MINPP1: variants seen among roughly 807,000 people sequenced by gnomAD.
MINPP1 encodes the protein multiple inositol polyphosphate phosphatase 1.
A neutral mutation model predicts 46.1 loss-of-function variants in MINPP1; 28 were observed. That is an observed-to-expected ratio of 0.61 (90% CI 0.45 to 0.83). MINPP1 has a LOEUF of 0.83. MINPP1 is among the 40% of genes least tolerant of loss of function. The pLI, the probability that MINPP1 is intolerant of heterozygous loss-of-function variation, is 0.00. For synonymous variants in MINPP1, 268 were observed against 249.1 expected, an observed-to-expected ratio of 1.08 and a Z score of -0.72; for missense variants, 603 against 610.0, an observed-to-expected ratio of 0.99 and a Z score of 0.12.
At chr10:87,523,606 C>T (rs1851534042) in intron 4 of MINPP1, among the ~76,000 whole-genome samples, 2 of 151,448 alleles carry the variant, frequency 1.3e-5, no homozygotes, top group Admixed American at 1.3e-4. Context: ...GATCCGCCTG[C>T]CTCGGCCTCC....
At chr10:87,515,598 C>T (rs1273760077) in intron 3 of MINPP1, among the ~76,000 whole-genome samples, 1 of 151,850 alleles carries the variant, frequency 6.6e-6, no homozygotes, top group East Asian at 1.9e-4. Flanking sequence ...TAATTTATCC[C>T]TGCTTAGGAC....
chr10:87,547,155 G>A (rs578239241), intron 4 of MINPP1, among the ~76,000 whole-genome samples: 14 of 152,024 alleles, frequency 9.2e-5, no homozygotes, highest in East Asian at 3.9e-4. Flanking sequence ...TCTGTCACCC[G>A]GGCTAGAGTG....
intron 4 of MINPP1, among the ~76,000 whole-genome samples, chr10:87,527,655 A>G (rs1032171519): frequency 6.6e-6 from 1 of 151,480 alleles, no homozygotes; most frequent in Admixed American, 6.6e-5. Flanking sequence ...CTCATCAGGG[A>G]TATTGGTCTA....
At chr10:87,527,178 G>A (rs1251902308) in intron 4 of MINPP1, among the ~76,000 whole-genome samples, 2 of 152,190 alleles carry the variant, frequency 1.3e-5, no homozygotes, top group East Asian at 3.8e-4. Context: ...CTATCCATGA[G>A]CATGGAATGT....
At chr10:87,508,648 GAAAAT>G in intron 2 of MINPP1, 115 bp downstream of exon 2, 1 of 1,040,080 alleles carries the variant, frequency 9.6e-7, no homozygotes, top group African/African-American at 1.6e-5. Context: ...TCTACATTAA[GAAAAT>G]AATATGTTCT....
intron 3 of MINPP1, among the ~76,000 whole-genome samples, chr10:87,517,862 A>G (rs1589372917): frequency 7.0e-6 from 1 of 143,840 alleles, no homozygotes; most frequent in Non-Finnish European, 1.5e-5. Flanking sequence ...GGGTTTTGCC[A>G]TGTTGGCCAG....
chr10:87,510,659 C>G (rs1398567303), intron 2 of MINPP1, among the ~76,000 whole-genome samples: 1 of 152,154 alleles, frequency 6.6e-6, no homozygotes, highest in Non-Finnish European at 1.5e-5. Context: ...CTTTGGGAGG[C>G]CAAGGTGGGT....
At chr10:87,530,213 C>T (rs537501609) in intron 4 of MINPP1, among the ~76,000 whole-genome samples, 5 of 152,324 alleles carry the variant, frequency 3.3e-5, no homozygotes, top group South Asian at 2.1e-4. Flanking sequence ...TCTCTCAACT[C>T]GTCAAAGTCA....
intron 4 of MINPP1, among the ~76,000 whole-genome samples, chr10:87,529,610 G>A (rs920544970): frequency 2.0e-5 from 3 of 152,148 alleles, no homozygotes; most frequent in Non-Finnish European, 2.9e-5. Context: ...TGGGTAACCC[G>A]ACCTTTCTCT....
chr10:87,519,699 C>T (rs1289448597), intron 3 of MINPP1, among the ~76,000 whole-genome samples: 1 of 152,144 alleles, frequency 6.6e-6, no homozygotes, highest in Non-Finnish European at 1.5e-5. Context: ...CACCCCTGCT[C>T]TTAAAACTTA....
At chr10:87,520,057 A>AGTTGTGTGTGTGTGTGTGTGTGTGTGT (rs1554852418) in intron 3 of MINPP1, among the ~76,000 whole-genome samples, 54 of 147,472 alleles carry the variant, frequency 3.7e-4, no homozygotes, top group African/African-American at 1.1e-3. Flanking sequence ...TAAAAGGTAT[A>AGTTGTGTGTGTGTGTGTGTGTGTGTGT]GTGTGTGTGT....
At chr10:87,520,095 T>C (rs1052160966) in intron 3 of MINPP1, among the ~76,000 whole-genome samples, 2 of 126,284 alleles carry the variant, frequency 1.6e-5, no homozygotes, top group Admixed American at 7.7e-5. Context: ...ATAAATGGTA[T>C]TATAGGGTAT....
At chr10:87,539,216 T>G (rs1851779430) in intron 4 of MINPP1, among the ~76,000 whole-genome samples, 1 of 152,228 alleles carries the variant, frequency 6.6e-6, no homozygotes. Flanking sequence ...TTATATAGAT[T>G]ACTCATTTGC....
intron 1 of MINPP1, 66 bp from the exon 2 acceptor site, chr10:87,508,270 C>T (rs1355476272): frequency 3.4e-5 from 54 of 1,587,458 alleles, no homozygotes; most frequent in Non-Finnish European, 4.5e-5. Flanking sequence ...TTAACATTTT[C>T]AATAATTTGA....
intron 4 of MINPP1, among the ~76,000 whole-genome samples, chr10:87,544,011 A>T (rs1459680075): frequency 6.6e-6 from 1 of 152,214 alleles, no homozygotes; most frequent in Non-Finnish European, 1.5e-5. Context: ...CCAGCTAGGT[A>T]TCCTCTAATT....
chr10:87,505,136 T>TGGGGG lies in MINPP1; in HGVS notation c.223_224insGGGGG (p.Glu75GlyfsTer30), dbSNP rs1851221121. On this transcript the variant is annotated frameshift_variant, in exon 1 of 5. Coordinates refer to ENST00000371996, the MANE Select transcript of MINPP1 (RefSeq NM_004897.5). LOFTEE classifies it high-confidence loss of function. This position sits in a 1 kb window ranked among gnomAD's most constrained non-coding sequence, Gnocchi z 4.4. ...GCTCCGTGGCGGGACCCTGAGCTGC[T>TGGGGG]GGAGGGGACCTGCACCCCGGTGCAG... is the stretch of plus-strand genomic sequence containing the variant. 1 of 1,612,076 alleles carries TGGGGG rather than the reference T, an allele frequency of 6.2e-7. No homozygotes were observed. Among genetic ancestry groups the TGGGGG allele is most frequent in the Non-Finnish European group, 8.5e-7 (1 of 1,179,354 alleles).
chr10:87,512,282 A>G (rs1851345734), intron 2 of MINPP1, among the ~76,000 whole-genome samples: 1 of 152,210 alleles, frequency 6.6e-6, no homozygotes, highest in African/African-American at 2.4e-5. Context: ...CAGTGTAAAA[A>G]TGCTAGATAA....
At chr10:87,543,154 T>G (rs1352697235) in intron 4 of MINPP1, among the ~76,000 whole-genome samples, 1 of 152,214 alleles carries the variant, frequency 6.6e-6, no homozygotes, top group African/African-American at 2.4e-5. Flanking sequence ...CATCAGTTTT[T>G]CCTCATTCAA....
At chr10:87,543,755 G>A (rs1173959654) in intron 4 of MINPP1, among the ~76,000 whole-genome samples, 1 of 152,146 alleles carries the variant, frequency 6.6e-6, no homozygotes, top group Non-Finnish European at 1.5e-5. Flanking sequence ...AGAGAAGGGG[G>A]AGGCCCCAGA....
Sources: gnomAD v4.1 joint callset for allele counts (sites outside exome capture counted in the v4.1 genomes callset) on GRCh38, gnomAD v4.1.1 for gene constraint, Gnocchi (gnomAD v3.1) non-coding constraint, MANE v1.5 for transcripts, NCBI Gene and HGNC (gene_info 2026-07-23, HGNC 2026-07-21) for gene names.